Variants in CCDC9 observed in about 807,000 individuals in gnomAD.
The protein encoded by CCDC9 is coiled-coil domain containing 9, also known as coiled-coil domain-containing protein 9.
Under a neutral mutation model 65.6 loss-of-function variants are expected in CCDC9, and 52 were observed. The observed-to-expected ratio is 0.79, with a 90% confidence interval of 0.63 to 1.00. CCDC9 has a LOEUF of 1.00. Among genes scored for constraint, CCDC9 ranks in the 50% least tolerant of loss-of-function variants. CCDC9 has a pLI of 0.00. For missense variants in CCDC9, 834 were observed against 757.2 expected (o/e 1.10, Z -1.19); for synonymous variants, 332 against 280.3 (o/e 1.18, Z -1.84).
intron 2 of CCDC9, 63 bp downstream of exon 2, chr19:47,258,466 G>A (rs917633839): frequency 1.2e-6 from 2 of 1,609,064 alleles, no homozygotes; most frequent in East Asian, 2.2e-5. Flanking sequence ...GGGAGGATGG[G>A]ATCCATAGGG....
At chr19:47,258,493 T>G in intron 2 of CCDC9, 66 bp from the exon 3 acceptor site, 1 of 1,604,906 alleles carries the variant, frequency 6.2e-7, no homozygotes, top group Non-Finnish European at 8.5e-7. Context: ...TCTCAGACCC[T>G]GGGGGAAAGT....
chr19:47,257,038 T>TG (rs1047422275), intron 1 of CCDC9, among the ~76,000 whole-genome samples: 28 of 9,140 alleles, frequency 3.1e-3, no homozygotes, highest in Admixed American at 1.1e-3. Context: ...CACAATGTAG[T>TG]GGGGGAGCCA....
chr19:47,257,868 T>C (rs1358217880), intron 1 of CCDC9: 1 of 162,104 alleles, frequency 6.2e-6, no homozygotes, highest in Non-Finnish European at 1.4e-5. Context: ...GGAGCTAGAA[T>C]ATTCGCCTGG....
chr19:47,267,796 G>A (rs961478129), intron 8 of CCDC9, among the ~76,000 whole-genome samples: 1 of 152,068 alleles, frequency 6.6e-6, no homozygotes, highest in Non-Finnish European at 1.5e-5. Flanking sequence ...CCTCTGACCT[G>A]TCCCCAGCAA....
chr19:47,264,953 G>A lies in CCDC9; in HGVS notation c.720+7G>A, dbSNP rs1171903261. The A allele has an allele frequency of 2.1e-6, 3 of 1,440,118 alleles. No individual in the cohort carries two copies. Among genetic ancestry groups the A allele is most frequent in the Admixed American group, 2.9e-5 (1 of 35,080 alleles). The allele number at this position is 1,440,118 out of a possible 1,614,324, so 89.2% of individuals were successfully genotyped here. On this transcript the variant is annotated splice_region_variant and intron_variant, in intron 7 of 11. Coordinates refer to ENST00000221922, the MANE Select transcript of CCDC9 (RefSeq NM_015603.3). ...CCTTGAGCACGAGCGGCAGGTGGGT[G>A]TTGGCAGTGAGGACACCTCGGGGCT...
intron 8 of CCDC9, among the ~76,000 whole-genome samples, chr19:47,267,938 C>G (rs2059093283): frequency 6.6e-6 from 1 of 151,982 alleles, no homozygotes; most frequent in South Asian, 2.1e-4. Flanking sequence ...ACCTCCGCCT[C>G]CTGGGTTCAA....
At position 47,271,491 on chromosome 19, in the gene CCDC9, C is replaced by T. The variant is rs145141189; in HGVS notation, c.1409C>T (p.Pro470Leu). 201 of 1,613,106 alleles carry T rather than the reference C, an allele frequency of 1.2e-4. No homozygotes were observed. Among genetic ancestry groups the T allele is most frequent in the Non-Finnish European group, 1.5e-4 (180 of 1,179,816 alleles). The change falls in exon 12 of 12, where the codon CCC (proline) becomes CTC (leucine). Residue 470 changes from proline to leucine, a missense_variant. Pro to Leu is a moderately conservative substitution (Grantham distance 98). Coordinates refer to ENST00000221922, the MANE Select transcript of CCDC9 (RefSeq NM_015603.3). ...IPCSEQAHGVPFSPEEPLLEP... is the reference protein window; with the variant it reads ...IPCSEQAHGVLFSPEEPLLEP... Reference sequence around the variant, plus strand: ...TGCAGTGAGCAGGCCCACGGAGTCCCCTTCAGTCCGGAGGAGCCCCTGCTG... The same window carrying T: ...TGCAGTGAGCAGGCCCACGGAGTCCTCTTCAGTCCGGAGGAGCCCCTGCTG...
intron 8 of CCDC9, among the ~76,000 whole-genome samples, chr19:47,269,002 T>A (rs2059099652): frequency 6.6e-6 from 1 of 151,980 alleles, no homozygotes; most frequent in Admixed American, 6.6e-5. Context: ...TCCCAGCACT[T>A]TAGGAGGCCA....
At chr19:47,259,724 T>C (rs1568635752) in intron 3 of CCDC9, among the ~76,000 whole-genome samples, 1 of 152,202 alleles carries the variant, frequency 6.6e-6, no homozygotes, top group African/African-American at 2.4e-5. Flanking sequence ...GTCAGTGACA[T>C]ACATCACTGA....
Position 47,260,631 on chromosome 19 carries a change from G to T in CCDC9, c.254G>T (p.Arg85Leu), listed in dbSNP as rs201968066. 6.6e-7 allele frequency: 1 copy of T among 1,522,034 alleles called. No individual in the cohort carries two copies. Among genetic ancestry groups the T allele is most frequent in the East Asian group, 2.3e-5 (1 of 44,250 alleles). The allele number at this position is 1,522,034 out of a possible 1,614,324, so 94.3% of individuals were successfully genotyped here. A position where few individuals can be genotyped will look rare whatever the true frequency, so the allele number is the denominator to read the frequency against. Residue 85 changes from arginine to leucine, a missense_variant, in exon 5 of 12, where the codon CGG (arginine) becomes CTG (leucine). Physicochemically the swap from Arg to Leu is moderately radical, Grantham distance 102. Coordinates refer to ENST00000221922, the MANE Select transcript of CCDC9 (RefSeq NM_015603.3). ...GPSRRSPGTP[R>L]PPGASKGGRT... ...TCCCGGAGGTCTCCTGGGACCCCTC[G>T]GCCCCCAGGGGCCAGCAAGGGGGGC...
At chr19:47,260,177 T>G in intron 3 of CCDC9, 144 bp from the exon 4 acceptor site, 1 of 617,754 alleles carries the variant, frequency 1.6e-6, no homozygotes, top group Non-Finnish European at 2.9e-6. Context: ...GTGCTGAGGT[T>G]TGAGGGATAT....
At chr19:47,261,794 G>A in intron 5 of CCDC9, among the ~76,000 whole-genome samples, 1 of 151,676 alleles carries the variant, frequency 6.6e-6, no homozygotes. Context: ...GCTGAGGTGG[G>A]CGGATCACCT....
At position 47,266,812 on chromosome 19, in the gene CCDC9, C is replaced by A; in HGVS notation, c.902+20C>A. 1 of 1,592,414 alleles carries A rather than the reference C, an allele frequency of 6.3e-7. No individual in the cohort carries two copies. The highest frequency in any genetic ancestry group is 8.5e-7 in the Non-Finnish European group (1 of 1,169,864). On this transcript the variant is annotated intron_variant, in intron 8 of 11. Coordinates refer to ENST00000221922, the MANE Select transcript of CCDC9 (RefSeq NM_015603.3). The stretch of plus-strand genomic sequence containing the variant: ...TGGGATGTGAGTCTCCTCCCCGCTC[C>A]TCTCCCCATGTGGCACGTTGACCTT...
In CCDC9 at chr19:47,271,483, C is replaced by T. The variant is rs376999273; in HGVS notation, c.1401C>T (p.His467=). 56 of 1,613,310 alleles carry T rather than the reference C, an allele frequency of 3.5e-5. No individual in the cohort carries two copies. The highest frequency in any genetic ancestry group is 2.3e-4 in the African/African-American group (17 of 74,966). Residue 467 remains histidine (H), a synonymous_variant, in exon 12 of 12, where the codon CAC becomes CAT. Transcript: ENST00000221922. The stretch of plus-strand genomic sequence containing the variant: ...GGATCCCCTGCAGTGAGCAGGCCCA[C>T]GGAGTCCCCTTCAGTCCGGAGGAGC... ...PTGIPCSEQA[H]GVPFSPEEPL...
At chr19:47,274,243 C>T (rs2059141933), downstream of CCDC9, among the ~76,000 whole-genome samples, 2 of 150,246 alleles carry the variant, frequency 1.3e-5, no homozygotes, top group South Asian at 2.1e-4. Flanking sequence ...CTGGAGGAGG[C>T]GGGTCCCGCG....
Position 47,270,584 on chromosome 19 carries a change from C to G in CCDC9, c.981C>G (p.Pro327=). ...DDQAWARPPK[P]PTFGEFLSQH... ...AGGCCTGGGCCCGGCCCCCGAAGCC[C>G]CCTACTTTTGGGGAGTTCCTGTCCC... Residue 327 remains proline (P), a synonymous_variant, in exon 10 of 12, where the codon CCC becomes CCG. Coordinates refer to ENST00000221922, the MANE Select transcript of CCDC9 (RefSeq NM_015603.3). 6.2e-7 allele frequency: 1 copy of G among 1,613,888 alleles called. No homozygotes were observed. Among genetic ancestry groups the G allele is most frequent in the Middle Eastern group, 1.7e-4 (1 of 5,800 alleles).
In CCDC9 at chr19:47,271,634, GGCGCCCTCTCC is replaced by G; in HGVS notation, c.1553_1563del (p.Gly518AlafsTer3). The G allele has an allele frequency of 6.2e-7, 1 of 1,607,522 alleles. No individual in the cohort carries two copies. Among genetic ancestry groups the G allele is most frequent in the Non-Finnish European group, 8.5e-7 (1 of 1,176,558 alleles). ...TTCTCCCCGGACCACTCACCTGGCT[GGCGCCCTCTCC>G]CCGGGTGAGGCCTGGCCTTTTGAGA... is the stretch of plus-strand genomic sequence containing the variant. On this transcript the variant is annotated frameshift_variant, in exon 12 of 12. Transcript: ENST00000221922. LOFTEE classifies it high-confidence loss of function.
rs567588231 is a variant in CCDC9, at chr19:47,260,660, A to C, written c.283A>C (p.Thr95Pro). 5 of 1,529,220 alleles carry C rather than the reference A, an allele frequency of 3.3e-6. No homozygotes were observed. Among genetic ancestry groups the C allele is most frequent in the Middle Eastern group, 4.0e-4 (2 of 5,022 alleles). The allele number at this position is 1,529,220 out of a possible 1,614,324, so 94.7% of individuals were successfully genotyped here. ...RPPGASKGGR[T>P]PPQQGGRAGM... Reference sequence around the variant, plus strand: ...CCCAGGGGCCAGCAAGGGGGGCCGGACTCCTCCACAGCAGGGAGGCCGGGC... The same window carrying C: ...CCCAGGGGCCAGCAAGGGGGGCCGGCCTCCTCCACAGCAGGGAGGCCGGGC... The change falls in exon 5 of 12, where the codon ACT (threonine) becomes CCT (proline). Residue 95 changes from threonine to proline, a missense_variant. By Grantham distance (38) the Thr-to-Pro change is conservative (BLOSUM62 -1). Coordinates refer to ENST00000221922, the MANE Select transcript of CCDC9 (RefSeq NM_015603.3).
intron 8 of CCDC9, among the ~76,000 whole-genome samples, chr19:47,267,950 C>T (rs546475679): frequency 3.0e-4 from 45 of 152,112 alleles, no homozygotes; most frequent in Middle Eastern, 6.8e-3. Flanking sequence ...TGGGTTCAAG[C>T]GATTTTCCTG....
Sources: gnomAD v4.1 joint callset for allele counts (sites outside exome capture counted in the v4.1 genomes callset) on GRCh38, gnomAD v4.1.1 for gene constraint, MANE v1.5 for transcripts, NCBI Gene and HGNC (gene_info 2026-07-23, HGNC 2026-07-21) for gene names.